Variants in KHDRBS3 observed in about 807,000 individuals in gnomAD.
KHDRBS3 encodes KH RNA binding domain containing, signal transduction associated 3.
In KHDRBS3, 23 loss-of-function variants were observed where a neutral mutation model predicts 45.6. The ratio of observed to expected loss-of-function variants is 0.50; its 90% CI spans 0.36 to 0.72. The LOEUF (loss-of-function observed/expected upper bound fraction) is 0.72, where lower values mean the gene tolerates loss of function less well. KHDRBS3 is among the 30% of genes least tolerant of loss of function. The probability of loss-of-function intolerance (pLI) is 0.00; values close to 1 mark genes in which losing one functional copy is unlikely to be tolerated. For synonymous variants in KHDRBS3, 162 were observed against 156.5 expected (o/e 1.04, Z -0.26); for missense variants, 352 against 424.8 (o/e 0.83, Z 1.51).
chr8:135,475,213 T>C (rs1016683499), intron 1 of KHDRBS3, among the ~76,000 whole-genome samples: 2 of 152,202 alleles, frequency 1.3e-5, no homozygotes, highest in Non-Finnish European at 2.9e-5. Flanking sequence ...GAGGTTAGTA[T>C]GTGGATGTCT....
intron 7 of KHDRBS3, among the ~76,000 whole-genome samples, chr8:135,619,024 C>T (rs1214256387): frequency 6.6e-6 from 1 of 152,192 alleles, no homozygotes; most frequent in Admixed American, 6.5e-5. Flanking sequence ...ATTTTCTGTG[C>T]AGAGTATCAC....
At chr8:135,481,579 T>C (rs1258891415) in intron 1 of KHDRBS3, among the ~76,000 whole-genome samples, 5 of 152,190 alleles carry the variant, frequency 3.3e-5, no homozygotes, top group Admixed American at 3.3e-4. Context: ...TTCAGTAAAT[T>C]CTGCAGTGAA....
chr8:135,506,930 A>G (rs1325249902), intron 1 of KHDRBS3, among the ~76,000 whole-genome samples: 2 of 151,954 alleles, frequency 1.3e-5, no homozygotes, highest in East Asian at 3.9e-4. Context: ...ATCCTGTAGG[A>G]TAAACATTTT....
exon 5 of KHDRBS3, chr8:135,656,287 CA>C (rs1227806261): frequency 1.3e-5 from 2 of 152,178 alleles, no homozygotes; most frequent in African/African-American, 4.8e-5. Flanking sequence ...GCCTAGTCAG[CA>C]AATGAATCCA....
At chr8:135,490,036 A>G (rs113544652) in intron 1 of KHDRBS3, among the ~76,000 whole-genome samples, 21 of 152,156 alleles carry the variant, frequency 1.4e-4, no homozygotes, top group African/African-American at 4.3e-4. Context: ...ACAGTTGTCT[A>G]GAGCATTCGG....
chr8:135,572,226 CAGTG>C (rs1458416720), intron 5 of KHDRBS3, among the ~76,000 whole-genome samples: 3 of 152,224 alleles, frequency 2.0e-5, no homozygotes, highest in East Asian at 1.9e-4. Flanking sequence ...AATTGGAAGA[CAGTG>C]GGTGATACAG....
Position 135,645,123 on chromosome 8 carries a change from T to TG in KHDRBS3, c.949+7dup. On this transcript the variant is annotated splice_region_variant and intron_variant, in intron 8 of 8. Transcript: ENST00000355849. ...GGAGACTTATGATTCCTACGGTGAGTGACTGGCCAGAGCATGTGAAGAGAG... is the reference window on the plus strand; with the variant it reads ...GGAGACTTATGATTCCTACGGTGAGTGGACTGGCCAGAGCATGTGAAGAGAG... 1 of 1,613,452 alleles carries TG rather than the reference T, an allele frequency of 6.2e-7. No homozygotes were observed. The highest frequency in any genetic ancestry group is 8.5e-7 in the Non-Finnish European group (1 of 1,179,784).
intron 1 of KHDRBS3, among the ~76,000 whole-genome samples, chr8:135,471,046 A>C (rs1288939837): frequency 6.6e-6 from 1 of 152,178 alleles, no homozygotes; most frequent in East Asian, 1.9e-4. Flanking sequence ...TGAGTAGGAC[A>C]AGTTTTCTTG....
At chr8:135,642,432 A>G (rs1055116481) in intron 7 of KHDRBS3, among the ~76,000 whole-genome samples, 5 of 152,176 alleles carry the variant, frequency 3.3e-5, no homozygotes, top group Admixed American at 6.5e-5. Flanking sequence ...GTAGCTCACA[A>G]TAGTTGCATT....
At chr8:135,566,212 G>A (rs778904501) in intron 5 of KHDRBS3, among the ~76,000 whole-genome samples, 5 of 152,176 alleles carry the variant, frequency 3.3e-5, no homozygotes, top group Non-Finnish European at 7.3e-5. Context: ...TCCCTCGATT[G>A]AGTTGTTGCT....
chr8:135,626,676 C>T (rs1324468502), intron 7 of KHDRBS3, among the ~76,000 whole-genome samples: 1 of 151,842 alleles, frequency 6.6e-6, no homozygotes, highest in Non-Finnish European at 1.5e-5. Flanking sequence ...TGTTGGCGGG[C>T]GCCTGTAGTC....
At chr8:135,622,544 T>C (rs1310198395) in intron 7 of KHDRBS3, among the ~76,000 whole-genome samples, 1 of 152,232 alleles carries the variant, frequency 6.6e-6, no homozygotes, top group African/African-American at 2.4e-5. Flanking sequence ...CATGTGTAAA[T>C]ATTGCAGATC....
chr8:135,527,965 A>G (rs1299874126), intron 2 of KHDRBS3, among the ~76,000 whole-genome samples: 1 of 152,190 alleles, frequency 6.6e-6, no homozygotes, highest in African/African-American at 2.4e-5. Context: ...TTTTTTGGGC[A>G]AAATGTGCCT....
intron 7 of KHDRBS3, among the ~76,000 whole-genome samples, chr8:135,644,469 CA>C (rs1466125578): frequency 6.6e-6 from 1 of 152,212 alleles, no homozygotes; most frequent in Non-Finnish European, 1.5e-5. Context: ...GGTGATGCAA[CA>C]GTGCCGGTCA....
intron 6 of KHDRBS3, among the ~76,000 whole-genome samples, chr8:135,606,100 GA>G (rs1403991833): frequency 6.6e-6 from 1 of 152,134 alleles, no homozygotes; most frequent in Non-Finnish European, 1.5e-5. Context: ...ATTGGGCAGA[GA>G]TTTTAGTAAA....
intron 1 of KHDRBS3, among the ~76,000 whole-genome samples, chr8:135,469,530 T>TG (rs1821893186): frequency 5.3e-5 from 2 of 37,968 alleles, no homozygotes; most frequent in African/African-American, 1.8e-4. Context: ...TTGGTTTTTT[T>TG]TTTTTTTTTT....
intron 1 of KHDRBS3, among the ~76,000 whole-genome samples, chr8:135,461,872 A>G (rs1256535698): frequency 2.0e-5 from 3 of 152,222 alleles, no homozygotes; most frequent in Non-Finnish European, 4.4e-5. Context: ...AGGTTGATAA[A>G]AGTTTTTTGT....
intron 1 of KHDRBS3, among the ~76,000 whole-genome samples, chr8:135,501,959 T>C (rs1451258762): frequency 2.6e-5 from 4 of 152,210 alleles, no homozygotes; most frequent in African/African-American, 9.6e-5. Context: ...CCTTTTAATT[T>C]GCTTCACTCT....
At chr8:135,542,515 T>C in intron 2 of KHDRBS3, 139 bp from the exon 3 acceptor site, 1 of 611,842 alleles carries the variant, frequency 1.6e-6, no homozygotes, top group Non-Finnish European at 3.0e-6. Flanking sequence ...AAACATCATA[T>C]TTTAATGCAT....
Sources: gnomAD v4.1 joint callset for allele counts (sites outside exome capture counted in the v4.1 genomes callset) on GRCh38, gnomAD v4.1.1 for gene constraint, MANE v1.5 for transcripts, NCBI Gene and HGNC (gene_info 2026-07-23, HGNC 2026-07-21) for gene names.